Variants in FLVCR2 observed in about 807,000 individuals in gnomAD.
FLVCR2 encodes the protein choline/ethanolamine transporter FLVCR2.
A neutral mutation model predicts 48.9 loss-of-function variants in FLVCR2; 38 were observed. The observed-to-expected ratio is 0.78, with a 90% CI of 0.60 to 1.02. The LOEUF is 1.02. Among genes scored for constraint, FLVCR2 ranks in the 50% least tolerant of loss-of-function variants. The pLI, the probability that FLVCR2 is intolerant of heterozygous loss-of-function variation, is 0.00. For missense variants in FLVCR2, 664 were observed against 663.3 expected (o/e 1.00, Z -0.01); for synonymous variants, 255 against 257.0 (o/e 0.99, Z 0.07).
intron 1 of FLVCR2, among the ~76,000 whole-genome samples, chr14:75,591,974 G>A (rs527873361): frequency 6.6e-6 from 1 of 151,774 alleles, no homozygotes; most frequent in Admixed American, 6.6e-5. Context: ...CACTGCACCT[G>A]GTTAATTTTG....
chr14:75,588,006 C>G (rs1398734815), intron 1 of FLVCR2, among the ~76,000 whole-genome samples: 1 of 152,214 alleles, frequency 6.6e-6, no homozygotes, highest in Non-Finnish European at 1.5e-5. Flanking sequence ...TCTAAAATAG[C>G]ACTGTCCAAT....
At chr14:75,645,917 CAAAAAA>C (rs33996926) in intron 9 of FLVCR2, among the ~76,000 whole-genome samples, 1 of 93,932 alleles carries the variant, frequency 1.1e-5, no homozygotes. Context: ...GACTCCATCT[CAAAAAA>C]AAAAAAAAAA....
intron 1 of FLVCR2, chr14:75,605,812 G>C (rs555934170): frequency 1.7e-6 from 1 of 602,498 alleles, no homozygotes; most frequent in Non-Finnish European, 2.9e-6. Flanking sequence ...GGAAAAGAGG[G>C]ACACAGAAGC....
chr14:75,601,108 G>A (rs1187138931), intron 1 of FLVCR2, among the ~76,000 whole-genome samples: 1 of 152,240 alleles, frequency 6.6e-6, no homozygotes, highest in Non-Finnish European at 1.5e-5. Flanking sequence ...CAGCAAACCA[G>A]TCATTAGCAT....
At chr14:75,625,258 C>T (rs924294892) in intron 3 of FLVCR2, among the ~76,000 whole-genome samples, 2 of 149,736 alleles carry the variant, frequency 1.3e-5, no homozygotes, top group African/African-American at 2.6e-5. Flanking sequence ...CCACATGAGT[C>T]ACTCCTCAAC....
intron 1 of FLVCR2, among the ~76,000 whole-genome samples, chr14:75,595,065 G>A (rs1888984842): frequency 6.6e-6 from 1 of 151,970 alleles, no homozygotes; most frequent in South Asian, 2.1e-4. Flanking sequence ...GTTACACTGG[G>A]GATTGAGTCT....
At chr14:75,605,415 T>C (rs2140021425) in intron 1 of FLVCR2, 2 of 1,444,204 alleles carry the variant, frequency 1.4e-6, no homozygotes, top group Middle Eastern at 3.7e-4. Context: ...TGGTGAGTCA[T>C]TCATAGGTGG....
intron 1 of FLVCR2, among the ~76,000 whole-genome samples, chr14:75,607,031 T>C (rs1889310030): frequency 6.6e-6 from 1 of 152,204 alleles, no homozygotes; most frequent in African/African-American, 2.4e-5. Flanking sequence ...TATGTATTTT[T>C]GATTCTCCTT....
chr14:75,586,657 T>C (rs1888757497), intron 1 of FLVCR2, among the ~76,000 whole-genome samples: 1 of 152,164 alleles, frequency 6.6e-6, no homozygotes, highest in Non-Finnish European at 1.5e-5. Context: ...AGGAAGGTAA[T>C]CACCTTACTT....
intron 1 of FLVCR2, among the ~76,000 whole-genome samples, chr14:75,615,712 A>G (rs1047661594): frequency 6.6e-6 from 1 of 151,912 alleles, no homozygotes; most frequent in African/African-American, 2.4e-5. Flanking sequence ...GAGAAGTGGG[A>G]GATTCATTTA....
intron 1 of FLVCR2, chr14:75,596,160 C>T (rs1889014446): frequency 2.0e-5 from 16 of 785,534 alleles, no homozygotes; most frequent in South Asian, 2.7e-5. Context: ...CTGAAGTCGT[C>T]GGTTGATCAT....
intron 3 of FLVCR2, among the ~76,000 whole-genome samples, chr14:75,626,197 G>A (rs909817451): frequency 3.9e-5 from 6 of 152,024 alleles, no homozygotes; most frequent in African/African-American, 1.5e-4. Flanking sequence ...TTGTCATGTT[G>A]GCCAGTCTGG....
At chr14:75,618,908 T>A (rs1275144321) in intron 1 of FLVCR2, among the ~76,000 whole-genome samples, 1 of 149,058 alleles carries the variant, frequency 6.7e-6, no homozygotes, top group Non-Finnish European at 1.5e-5. Flanking sequence ...TTTTGCCCTC[T>A]CTCTTTTTTG....
In FLVCR2 at chr14:75,641,171, T is replaced by C. The variant is rs539251285; in HGVS notation, c.1342-11T>C. 4 of 1,598,022 alleles carry C rather than the reference T, an allele frequency of 2.5e-6. No individual in the cohort carries two copies. The highest frequency in any genetic ancestry group is 1.3e-5 in the African/African-American group (1 of 74,662). On this transcript the variant is annotated splice_polypyrimidine_tract_variant and intron_variant, in intron 7 of 9. Coordinates refer to ENST00000238667, the MANE Select transcript of FLVCR2 (RefSeq NM_017791.3). ...GGGCCCTTGTTTCCTATCTTCTTTATGCCTTTCCAGGTATTTGGGATCATC... is the reference window on the plus strand; with the variant it reads ...GGGCCCTTGTTTCCTATCTTCTTTACGCCTTTCCAGGTATTTGGGATCATC...
chr14:75,613,562 C>G (rs563550405), intron 1 of FLVCR2, among the ~76,000 whole-genome samples: 13 of 151,850 alleles, frequency 8.6e-5, no homozygotes, highest in African/African-American at 3.1e-4. Flanking sequence ...TTTCTTTTTT[C>G]TTTTTTTGAG....
chr14:75,631,793 C>T (rs1566795012), intron 3 of FLVCR2: 1 of 456,058 alleles, frequency 2.2e-6, no homozygotes, highest in Non-Finnish European at 4.4e-6. Flanking sequence ...TACGGGATCT[C>T]TTCACTCGGA....
At chr14:75,596,200 C>A in intron 1 of FLVCR2, 1 of 699,872 alleles carries the variant, frequency 1.4e-6, no homozygotes, top group South Asian at 1.5e-5. Flanking sequence ...GTTACTGTGT[C>A]GTTCATGATG....
chr14:75,624,781 T>A (rs1161863294), intron 3 of FLVCR2, 29 bp downstream of exon 3: 18 of 1,613,378 alleles, frequency 1.1e-5, no homozygotes, highest in Non-Finnish European at 1.5e-5. Flanking sequence ...TAGGAATGCA[T>A]TCGAGCTGGA....
chr14:75,584,246 G>A (rs1192052208), intron 1 of FLVCR2, among the ~76,000 whole-genome samples: 1 of 152,208 alleles, frequency 6.6e-6, no homozygotes, highest in African/African-American at 2.4e-5. Context: ...TACAGCAGAG[G>A]CAAGTAGCTG....
Sources: gnomAD v4.1 joint callset for allele counts (sites outside exome capture counted in the v4.1 genomes callset) on GRCh38, gnomAD v4.1.1 for gene constraint, MANE v1.5 for transcripts, NCBI Gene and HGNC (gene_info 2026-07-23, HGNC 2026-07-21) for gene names.